B4GALT6: variants seen among roughly 807,000 people sequenced by gnomAD.
The protein encoded by B4GALT6 is beta-1,4-galactosyltransferase 6.
In B4GALT6, 14 loss-of-function variants were observed where a neutral mutation model predicts 46.3. The ratio of observed to expected loss-of-function variants is 0.30; its 90% CI spans 0.20 to 0.47. The LOEUF is 0.47. B4GALT6 is among the 20% of genes least tolerant of loss of function. The probability of loss-of-function intolerance (pLI) is 0.99; values close to 1 mark genes in which losing one functional copy is unlikely to be tolerated. For synonymous variants in B4GALT6, 168 were observed against 162.0 expected, an observed-to-expected ratio of 1.04 and a Z score of -0.28; for missense variants, 386 against 480.1, an observed-to-expected ratio of 0.80 and a Z score of 1.83.
chr18:31,635,250 A>AAAC (rs1567960820), intron 5 of B4GALT6, among the ~76,000 whole-genome samples: 44 of 148,520 alleles, frequency 3.0e-4, no homozygotes, highest in African/African-American at 1.1e-3. Context: ...AACAAACAAA[A>AAAC]AAAAAAAAAA....
upstream of B4GALT6, among the ~76,000 whole-genome samples, chr18:31,689,718 T>C (rs1289068303): frequency 6.6e-6 from 1 of 152,094 alleles, no homozygotes; most frequent in Non-Finnish European, 1.5e-5. Flanking sequence ...CACTCCATCC[T>C]GAGCGACAGA....
the B4GALT6 span, among the ~76,000 whole-genome samples, chr18:31,699,911 G>A: frequency 6.6e-6 from 1 of 152,176 alleles, no homozygotes; most frequent in Non-Finnish European, 1.5e-5. Flanking sequence ...GTTTAAAGCT[G>A]ATTAGTCAAG....
chr18:31,684,799 T>C (rs1184214334), upstream of B4GALT6: 12 of 1,031,254 alleles, frequency 1.2e-5, no homozygotes, highest in Non-Finnish European at 1.3e-5. Context: ...AGGCGCAGGC[T>C]GCGCGCCGCG....
upstream of B4GALT6, chr18:31,684,830 A>T (rs1598941304): frequency 1.4e-5 from 13 of 922,416 alleles, no homozygotes; most frequent in South Asian, 6.1e-4. Flanking sequence ...GGAGAGGGGC[A>T]GCTAACTGCA....
intron 8 of B4GALT6, among the ~76,000 whole-genome samples, 173 bp downstream of exon 8, chr18:31,626,110 A>G (rs1361092162): frequency 6.6e-6 from 1 of 152,226 alleles, no homozygotes; most frequent in Non-Finnish European, 1.5e-5. Flanking sequence ...TCTCTTAAAA[A>G]CAAGCATCAA....
chr18:31,688,097 T>TATATATATATG (rs2029988573), upstream of B4GALT6, among the ~76,000 whole-genome samples: 1 of 152,058 alleles, frequency 6.6e-6, no homozygotes, highest in Non-Finnish European at 1.5e-5. Context: ...TTTAAATGCA[T>TATATATATATG]AGTCTCAGCA....
intron 1 of B4GALT6, among the ~76,000 whole-genome samples, chr18:31,682,285 A>G (rs2074488624): frequency 6.6e-6 from 1 of 152,196 alleles, no homozygotes; most frequent in Admixed American, 6.5e-5. Flanking sequence ...TAAAGATACA[A>G]AAGATTAAAA....
chr18:31,722,755 A>C, the B4GALT6 span, among the ~76,000 whole-genome samples: 126 of 152,314 alleles, frequency 8.3e-4, no homozygotes, highest in African/African-American at 2.9e-3. Context: ...GGGAAGAATC[A>C]GAACTTGAAT....
chr18:31,709,551 ATATGTGTGTG>A, the B4GALT6 span, among the ~76,000 whole-genome samples: 17 of 104,020 alleles, frequency 1.6e-4, no homozygotes, highest in African/African-American at 4.5e-4. Flanking sequence ...AATAGGATAT[ATATGTGTGTG>A]TGTGTGTGTG....
chr18:31,676,355 T>C (rs1026853983), intron 1 of B4GALT6, among the ~76,000 whole-genome samples: 3 of 152,222 alleles, frequency 2.0e-5, no homozygotes, highest in African/African-American at 7.2e-5. Flanking sequence ...ATGACTTTTC[T>C]AGCCAAATGC....
chr18:31,703,038 C>CT, the B4GALT6 span, among the ~76,000 whole-genome samples: 2 of 152,250 alleles, frequency 1.3e-5, no homozygotes. Context: ...TCTGCATTCT[C>CT]TTTTTTACTG....
the B4GALT6 span, among the ~76,000 whole-genome samples, chr18:31,715,739 C>T: frequency 6.6e-6 from 1 of 150,394 alleles, no homozygotes; most frequent in Non-Finnish European, 1.5e-5. Context: ...TAGTAGAAAA[C>T]AGTTTCACCA....
intron 1 of B4GALT6, among the ~76,000 whole-genome samples, chr18:31,681,256 C>T (rs2074476658): frequency 1.3e-5 from 2 of 152,232 alleles, no homozygotes; most frequent in Admixed American, 6.5e-5. Context: ...AAATGCAATT[C>T]TGTTCTCAAT....
the B4GALT6 span, among the ~76,000 whole-genome samples, chr18:31,720,671 G>A: frequency 1.3e-5 from 2 of 152,176 alleles, no homozygotes; most frequent in African/African-American, 2.4e-5. Context: ...GGATTGAAAT[G>A]GAATGAAATA....
chr18:31,678,734 T>C (rs1027489108), intron 1 of B4GALT6, among the ~76,000 whole-genome samples: 1 of 152,178 alleles, frequency 6.6e-6, no homozygotes, highest in African/African-American at 2.4e-5. Flanking sequence ...TCTTTGGGAT[T>C]TTGCTCTTGG....
intron 1 of B4GALT6, among the ~76,000 whole-genome samples, chr18:31,681,244 T>C (rs1191721995): frequency 2.0e-5 from 3 of 152,232 alleles, no homozygotes; most frequent in African/African-American, 4.8e-5. Context: ...AGGTTTCCTA[T>C]TAAATGCAAT....
At chr18:31,721,417 C>T in the B4GALT6 span, among the ~76,000 whole-genome samples, 4 of 152,004 alleles carry the variant, frequency 2.6e-5, no homozygotes, top group Admixed American at 6.5e-5. Flanking sequence ...CTAACATATA[C>T]ATTATAAACC....
At chr18:31,694,625 G>T in the B4GALT6 span, among the ~76,000 whole-genome samples, 1 of 152,168 alleles carries the variant, frequency 6.6e-6, no homozygotes, top group Non-Finnish European at 1.5e-5. Context: ...TTGTTCACAG[G>T]ATATTTGCAG....
At chr18:31,650,979 G>A (rs1036393412) in intron 3 of B4GALT6, among the ~76,000 whole-genome samples, 4 of 152,116 alleles carry the variant, frequency 2.6e-5, no homozygotes, top group African/African-American at 9.7e-5. Context: ...TGTTAGACAG[G>A]ATGGTCTCAA....
Sources: allele counts gnomAD v4.1 joint callset (sites outside exome capture counted in the v4.1 genomes callset), GRCh38; gene constraint gnomAD v4.1.1; transcripts MANE v1.5; gene names NCBI Gene and HGNC (gene_info 2026-07-23, HGNC 2026-07-21).